The following NCKAP5 variants were observed in gnomAD, a reference collection of about 807,000 sequenced individuals.
The protein encoded by NCKAP5 is NCK associated protein 5.
A neutral mutation model predicts 167.0 loss-of-function variants in NCKAP5; 92 were observed. The observed-to-expected ratio is 0.55, with a 90% CI of 0.47 to 0.66. The LOEUF is 0.66. NCKAP5 is among the 30% of genes least tolerant of loss of function. The pLI, the probability that NCKAP5 is intolerant of heterozygous loss-of-function variation, is 0.00. For missense variants in NCKAP5, 2,378 were observed against 2,315.0 expected (o/e 1.03, Z -0.56); for synonymous variants, 891 against 877.4 (o/e 1.02, Z -0.27).
intron 11 of NCKAP5, among the ~76,000 whole-genome samples, chr2:132,820,295 T>A (rs951743933): frequency 2.0e-5 from 3 of 151,892 alleles, no homozygotes; most frequent in African/African-American, 7.3e-5. Context: ...GGTGGTGCAA[T>A]CTCAGCTCAC....
chr2:133,172,484 T>A (rs2084288380), intron 5 of NCKAP5, among the ~76,000 whole-genome samples: 1 of 152,360 alleles, frequency 6.6e-6, no homozygotes, highest in Admixed American at 6.5e-5. Context: ...CATATCTGTT[T>A]TTTTGAGACT....
chr2:133,220,951 T>A lies in NCKAP5; in HGVS notation c.144-7172A>T, dbSNP rs528942832. Among the ~76,000 whole-genome samples the A allele has an allele frequency of 8.8e-4, 134 of 152,272 alleles. 1 individual carries two copies. Among genetic ancestry groups the A allele is most frequent in the Non-Finnish European group, 1.6e-3 (110 of 68,012 alleles). ...TGGTGCCCCTGTGAGGATGCCCTGA[T>A]GGAAGAGCAGCAACGGCACTTAGTG... On this transcript the variant is annotated intron_variant, in intron 4 of 19. Coordinates refer to ENST00000409261, the MANE Select transcript of NCKAP5 (RefSeq NM_207363.3).
intron 6 of NCKAP5, among the ~76,000 whole-genome samples, chr2:133,106,879 T>C (rs4437017): frequency 0.53 from 81,108 of 151,930 alleles, 22,588 homozygotes; most frequent in African/African-American, 0.7. Flanking sequence ...GCTCCTTATT[T>C]ATCAGGCAGA....
intron 6 of NCKAP5, among the ~76,000 whole-genome samples, chr2:132,995,844 A>T (rs10928438): frequency 0.074 from 11,195 of 151,884 alleles, 639 homozygotes; most frequent in East Asian, 0.32. Flanking sequence ...GTGTGGTGGC[A>T]GGTGCCTGTA....
At chr2:133,382,175 T>C (rs1278122244) in intron 3 of NCKAP5, among the ~76,000 whole-genome samples, 2 of 152,122 alleles carry the variant, frequency 1.3e-5, no homozygotes, top group Non-Finnish European at 2.9e-5. Context: ...TTCCTCAATC[T>C]CAAATTCAAC....
In NCKAP5 at chr2:133,069,679, T is replaced by C. The variant is rs556288580; in HGVS notation, c.341+60299A>G. Among the ~76,000 whole-genome samples, 291 of 152,286 alleles carry C rather than the reference T, an allele frequency of 1.9e-3. 3 individuals are homozygous for C. Among genetic ancestry groups the C allele is most frequent in the African/African-American group, 6.0e-3 (251 of 41,558 alleles). On this transcript the variant is annotated intron_variant, in intron 6 of 19. Transcript: ENST00000409261. ...CAATTTCCTCCCTGGCCCCATTAGATGCTCTGTTTGGGTTAAATGAGAACA... is the reference window on the plus strand; with the variant it reads ...CAATTTCCTCCCTGGCCCCATTAGACGCTCTGTTTGGGTTAAATGAGAACA...
At chr2:133,477,191 G>C (rs1160173995) in intron 3 of NCKAP5, among the ~76,000 whole-genome samples, 1 of 152,186 alleles carries the variant, frequency 6.6e-6, no homozygotes, top group Non-Finnish European at 1.5e-5. Flanking sequence ...TACTTCCTTA[G>C]AAGAGCAAAA....
At chr2:133,306,792 C>G (rs1456624201) in intron 3 of NCKAP5, among the ~76,000 whole-genome samples, 1 of 152,178 alleles carries the variant, frequency 6.6e-6, no homozygotes, top group African/African-American at 2.4e-5. Context: ...ATCGTTCATA[C>G]AGATGAAAGT....
At chr2:133,515,991 T>A (rs183125069) in intron 3 of NCKAP5, among the ~76,000 whole-genome samples, 76 of 152,326 alleles carry the variant, frequency 5.0e-4, no homozygotes, top group African/African-American at 1.8e-3. Context: ...CTTTATAGGG[T>A]ATTTGCATAA....
At chr2:133,546,530 C>T (rs181780615) in intron 2 of NCKAP5, among the ~76,000 whole-genome samples, 1 of 152,206 alleles carries the variant, frequency 6.6e-6, no homozygotes, top group Admixed American at 6.5e-5. Flanking sequence ...TGTGCTTTGA[C>T]ATAAGGGCAC....
intron 16 of NCKAP5, among the ~76,000 whole-genome samples, chr2:132,747,857 A>G (rs968695505): frequency 3.3e-5 from 5 of 152,230 alleles, no homozygotes; most frequent in East Asian, 1.9e-4. Context: ...GCCTATAGCT[A>G]TAAGTAGGAA....
chr2:133,153,833 CTTTT>C (rs570596198), intron 5 of NCKAP5, among the ~76,000 whole-genome samples: 24 of 109,764 alleles, frequency 2.2e-4, no homozygotes, highest in African/African-American at 2.9e-4. Context: ...GTTCCTCCTT[CTTTT>C]TTTTTTTTTT....
the NCKAP5 span, among the ~76,000 whole-genome samples, chr2:133,620,564 A>C: frequency 1.3e-5 from 2 of 152,140 alleles, no homozygotes; most frequent in African/African-American, 4.8e-5. Context: ...GTCCACAGGA[A>C]AATATCACAA....
chr2:132,764,155 C>T (rs1319066942), intron 16 of NCKAP5, among the ~76,000 whole-genome samples: 3 of 152,138 alleles, frequency 2.0e-5, no homozygotes, highest in Non-Finnish European at 2.9e-5. Context: ...ATTGTCCCTG[C>T]TGGTGAGAAG....
chr2:132,941,657 A>G (rs1408258759), intron 8 of NCKAP5, among the ~76,000 whole-genome samples: 5 of 152,166 alleles, frequency 3.3e-5, no homozygotes, highest in Admixed American at 2.0e-4. Context: ...GGGTCTAGCA[A>G]TTCCTGAGAC....
chr2:133,332,981 C>T (rs2150732718), intron 3 of NCKAP5, among the ~76,000 whole-genome samples: 1 of 152,366 alleles, frequency 6.6e-6, no homozygotes, highest in South Asian at 2.1e-4. Context: ...AGGGAAAATT[C>T]TGGTCTCAAG....
At chr2:133,531,316 A>G (rs1471714591) in intron 2 of NCKAP5, among the ~76,000 whole-genome samples, 2 of 152,188 alleles carry the variant, frequency 1.3e-5, no homozygotes, top group Admixed American at 1.3e-4. Context: ...AAGCTAATTC[A>G]ATAGCCTTTG....
At chr2:133,078,201 G>A (rs894405176) in intron 6 of NCKAP5, among the ~76,000 whole-genome samples, 5 of 152,160 alleles carry the variant, frequency 3.3e-5, no homozygotes, top group Non-Finnish European at 7.3e-5. Flanking sequence ...CTTAGGAAAT[G>A]TGATCAGTGC....
chr2:133,434,534 T>A (rs1022869656), intron 3 of NCKAP5, among the ~76,000 whole-genome samples: 11 of 152,236 alleles, frequency 7.2e-5, no homozygotes, highest in African/African-American at 2.7e-4. Context: ...AGTTTCCTCA[T>A]CTGCAGAATG....
Sources: gnomAD v4.1 joint callset for allele counts (sites outside exome capture counted in the v4.1 genomes callset) on GRCh38, gnomAD v4.1.1 for gene constraint, MANE v1.5 for transcripts, NCBI Gene and HGNC (gene_info 2026-07-23, HGNC 2026-07-21) for gene names.